The following FAM149A variants were observed in gnomAD, a reference collection of about 807,000 sequenced individuals.
FAM149A encodes protein FAM149A.
Under a neutral mutation model 78.2 loss-of-function variants are expected in FAM149A, and 71 were observed. That is an observed-to-expected ratio of 0.91 (90% confidence interval 0.75 to 1.11). FAM149A has a LOEUF of 1.11. Ranked by LOEUF, FAM149A falls within the 50% of genes least tolerant of loss-of-function variation. The pLI, the probability that FAM149A is intolerant of heterozygous loss-of-function variation, is 0.00. For missense variants in FAM149A, 1,036 were observed against 971.0 expected, an observed-to-expected ratio of 1.07 and a Z score of -0.89; for synonymous variants, 446 against 410.5, an observed-to-expected ratio of 1.09 and a Z score of -1.04.
intron 4 of FAM149A, among the ~76,000 whole-genome samples, chr4:186,152,787 G>A (rs1373871242): frequency 3.3e-5 from 5 of 151,418 alleles, no homozygotes; most frequent in African/African-American, 4.9e-5. Context: ...CTCGTGATCC[G>A]CCCGCCTCAG....
chr4:186,153,842 C>T, intron 5 of FAM149A, 72 bp downstream of exon 5: 1 of 1,508,398 alleles, frequency 6.6e-7, no homozygotes, highest in South Asian at 1.2e-5. Context: ...ATGTTTATCT[C>T]ATCTATAAGC....
intron 11 of FAM149A, among the ~76,000 whole-genome samples, chr4:186,166,334 G>A (rs150535178): frequency 4.4e-4 from 67 of 152,294 alleles, no homozygotes; most frequent in African/African-American, 1.5e-3. Flanking sequence ...AAGTGTTCAT[G>A]TTTAACCTTA....
At chr4:186,134,420 C>G (rs1482948746) in intron 1 of FAM149A, among the ~76,000 whole-genome samples, 1 of 152,094 alleles carries the variant, frequency 6.6e-6, no homozygotes, top group African/African-American at 2.4e-5. Flanking sequence ...ACAGGAAGAG[C>G]CTTTTGCTTT....
chr4:186,136,961 TCTTTCTCTCTCTCTTTCTCTCTCTC>T (rs2099323170), intron 1 of FAM149A, among the ~76,000 whole-genome samples: 24 of 103,886 alleles, frequency 2.3e-4, no homozygotes, highest in Non-Finnish European at 5.7e-5. Flanking sequence ...TCTCTCTCTC[TCTTTCTCTCTCTCTTTCTCTCTCTC>T]TCTCTCTCTC....
chr4:186,121,471 A>AT (rs1333210773), intron 1 of FAM149A, among the ~76,000 whole-genome samples: 1 of 152,206 alleles, frequency 6.6e-6, no homozygotes, highest in Non-Finnish European at 1.5e-5. Context: ...GTTAAAATAT[A>AT]TTTTTAAAAT....
intron 8 of FAM149A, among the ~76,000 whole-genome samples, chr4:186,159,452 CTG>C (rs1433208968): frequency 6.6e-6 from 1 of 151,966 alleles, no homozygotes; most frequent in Non-Finnish European, 1.5e-5. Context: ...TGTTTGGGGA[CTG>C]TGACTGGGCT....
chr4:186,162,617 G>A (rs776232023), intron 8 of FAM149A, among the ~76,000 whole-genome samples: 5 of 152,150 alleles, frequency 3.3e-5, no homozygotes, highest in Non-Finnish European at 5.9e-5. Context: ...CTTTGGGCCA[G>A]GTGTGCTCAA....
chr4:186,131,347 CAA>C (rs35861617), intron 1 of FAM149A, among the ~76,000 whole-genome samples: 10 of 148,810 alleles, frequency 6.7e-5, no homozygotes, highest in African/African-American at 9.8e-5. Flanking sequence ...GACTCCAACT[CAA>C]AAAAAAAAAG....
In FAM149A at chr4:186,149,695, G is replaced by A; in HGVS notation, c.780G>A (p.Trp260Ter). 7.8e-7 allele frequency: 1 copy of A among 1,282,364 alleles called. No individual in the cohort carries two copies. Among genetic ancestry groups the A allele is most frequent in the Non-Finnish European group, 1.0e-6 (1 of 986,622 alleles). 79.4% of individuals were successfully genotyped at this position (1,282,364 alleles called of 1,614,324 possible). ...CGGAGAGGGGCTCCGTTTATTCCTGGAGAGATGACGTATGTCTCAGAATAT... is the reference window on the plus strand; with the variant it reads ...CGGAGAGGGGCTCCGTTTATTCCTGAAGAGATGACGTATGTCTCAGAATAT... Residue 260 changes from tryptophan (W) to a stop codon, truncating the protein, a stop_gained, in exon 3 of 14, where the codon TGG becomes TGA. Coordinates refer to ENST00000389354, the MANE Select transcript of FAM149A (RefSeq NM_001367768.3). LOFTEE classifies it high-confidence loss of function.
intron 1 of FAM149A, chr4:186,133,058 C>G (rs891533584): frequency 2.0e-6 from 2 of 985,284 alleles, no homozygotes; most frequent in African/African-American, 3.5e-5. Context: ...GTAAAGGCTT[C>G]TGACTCAACA....
chr4:186,143,711 G>A (rs1181311033), intron 1 of FAM149A, among the ~76,000 whole-genome samples: 4 of 151,784 alleles, frequency 2.6e-5, no homozygotes, highest in African/African-American at 9.7e-5. Flanking sequence ...TGTATTTTTA[G>A]TAGAGACTGG....
chr4:186,109,474 T>G, intron 1 of FAM149A: 2 of 985,316 alleles, frequency 2.0e-6, no homozygotes, highest in Non-Finnish European at 2.4e-6. Context: ...TGATGAAGCC[T>G]GTAGACCCGG....
chr4:186,170,365 A>G (rs1735422467), intron 13 of FAM149A, among the ~76,000 whole-genome samples: 1 of 152,220 alleles, frequency 6.6e-6, no homozygotes, highest in Non-Finnish European at 1.5e-5. Context: ...GAAATAAAAC[A>G]CGGAGCAGAT....
In FAM149A at chr4:186,172,879, G is replaced by T. The variant is rs1041227770; in HGVS notation, c.*892G>T. Among the ~76,000 whole-genome samples the T allele has an allele frequency of 2.7e-5, 3 of 111,668 alleles. 1 individual carries two copies. In the East Asian group the frequency reaches 6.7e-4, roughly 25 times the overall value. 73.3% of individuals were successfully genotyped at this position (111,668 alleles called of 152,430 possible). On this transcript the variant is annotated 3_prime_UTR_variant, in exon 14 of 14. Transcript: ENST00000389354. ...ATCTGACATTACTGTAGAAAATGGA[G>T]CAGAGAACAGGAAGGGGAATTAGCA...
chr4:186,152,092 C>T (rs768375964), intron 4 of FAM149A, 47 bp downstream of exon 4: 1 of 1,597,218 alleles, frequency 6.3e-7, no homozygotes, highest in East Asian at 2.2e-5. Context: ...TTTCCAAGCA[C>T]CCACCCCTGA....
At chr4:186,140,568 G>A (rs945838559) in intron 1 of FAM149A, among the ~76,000 whole-genome samples, 5 of 150,286 alleles carry the variant, frequency 3.3e-5, no homozygotes, top group African/African-American at 1.2e-4. Context: ...ACTGTGCCCA[G>A]CCTATACCAT....
chr4:186,158,647 G>C (rs1248608906), intron 8 of FAM149A: 3 of 335,866 alleles, frequency 8.9e-6, no homozygotes, highest in African/African-American at 2.5e-5. Context: ...TGCCGCCCAG[G>C]TTGAGGGTGG....
intron 1 of FAM149A, among the ~76,000 whole-genome samples, chr4:186,116,961 G>A (rs1426804099): frequency 6.6e-6 from 1 of 152,150 alleles, no homozygotes; most frequent in South Asian, 2.1e-4. Context: ...AAGTCAGATC[G>A]AATTTGATTC....
chr4:186,112,001 C>T (rs1489395215), intron 1 of FAM149A, among the ~76,000 whole-genome samples: 1 of 150,396 alleles, frequency 6.6e-6, no homozygotes, highest in Non-Finnish European at 1.5e-5. Flanking sequence ...TGGCCATTTT[C>T]ATGATATTGA....
Sources: allele counts gnomAD v4.1 joint callset (sites outside exome capture counted in the v4.1 genomes callset), GRCh38; gene constraint gnomAD v4.1.1; transcripts MANE v1.5; gene names NCBI Gene and HGNC (gene_info 2026-07-23, HGNC 2026-07-21).